Variants in ATP7B observed in about 807,000 individuals in gnomAD.
ATP7B encodes ATPase copper transporting beta, also known as copper-transporting ATPase 2.
A neutral mutation model predicts 118.9 loss-of-function variants in ATP7B; 113 were observed. The ratio of observed to expected loss-of-function variants is 0.95; its 90% CI spans 0.82 to 1.11. The LOEUF (loss-of-function observed/expected upper bound fraction) is 1.11. Among genes scored for constraint, ATP7B ranks in the 50% most tolerant of loss-of-function variants. The pLI is 0.00. For synonymous variants in ATP7B, 777 were observed against 727.4 expected (o/e 1.07, Z -1.10); for missense variants, 1,867 against 1,871.4 (o/e 1.00, Z 0.04).
chr13:51,944,007 C>T, intron 14 of ATP7B, 102 bp downstream of exon 14: 1 of 1,490,012 alleles, frequency 6.7e-7, no homozygotes, highest in Non-Finnish European at 9.2e-7. Context: ...GTTTTCCAGA[C>T]CACACAGAGA....
In ATP7B at chr13:51,934,657, A is replaced by G; in HGVS notation, c.*99T>C. 1 of 1,566,398 alleles carries G rather than the reference A, an allele frequency of 6.4e-7. No individual in the cohort carries two copies. Among genetic ancestry groups the G allele is most frequent in the South Asian group, 1.1e-5 (1 of 88,840 alleles). On this transcript the variant is annotated 3_prime_UTR_variant, in exon 21 of 21. Coordinates refer to ENST00000242839, the MANE Select transcript of ATP7B (RefSeq NM_000053.4). ...CATATCCAGGGAGCGGAAGTCCCCA[A>G]AGCTGGAGGCTAGCTCAGCCCATCC... is the stretch of plus-strand genomic sequence containing the variant.
At chr13:51,981,881 T>C (rs1952439498) in intron 1 of ATP7B, among the ~76,000 whole-genome samples, 1 of 152,204 alleles carries the variant, frequency 6.6e-6, no homozygotes, top group Non-Finnish European at 1.5e-5. Context: ...TTTTCCCGTT[T>C]GTCTAAGGCA....
chr13:52,008,251 A>T (rs186328067), intron 1 of ATP7B, among the ~76,000 whole-genome samples: 143 of 152,316 alleles, frequency 9.4e-4, no homozygotes, highest in African/African-American at 2.9e-3. Flanking sequence ...GAGGCCGGAG[A>T]ATCACTTGAG....
intron 2 of ATP7B, among the ~76,000 whole-genome samples, chr13:51,972,474 A>G (rs562598257): frequency 5.1e-4 from 78 of 152,152 alleles, no homozygotes; most frequent in African/African-American, 1.9e-3. Flanking sequence ...ACTGTCCTCC[A>G]GCATCTCAGC....
intron 9 of ATP7B, among the ~76,000 whole-genome samples, chr13:51,955,703 A>C (rs1593715776): frequency 6.6e-6 from 1 of 151,976 alleles, no homozygotes; most frequent in African/African-American, 2.4e-5. Flanking sequence ...ATGAGTCAAA[A>C]CCAACACAGC....
At chr13:51,990,856 G>A (rs1180698889) in intron 1 of ATP7B, among the ~76,000 whole-genome samples, 2 of 152,250 alleles carry the variant, frequency 1.3e-5, no homozygotes, top group East Asian at 1.9e-4. Context: ...TCGGGAGGCC[G>A]AGGCAGGTGG....
intron 1 of ATP7B, among the ~76,000 whole-genome samples, chr13:51,981,545 C>T (rs1379302629): frequency 1.3e-5 from 2 of 152,198 alleles, no homozygotes; most frequent in Non-Finnish European, 2.9e-5. Context: ...TAAGAATTCT[C>T]TGGATGCCAC....
Position 51,960,281 on chromosome 13 carries a change from G to A in ATP7B, c.1988C>T (p.Pro663Leu). 1 of 1,613,870 alleles carries A rather than the reference G, an allele frequency of 6.2e-7. No homozygotes were observed. Among genetic ancestry groups the A allele is most frequent in the Non-Finnish European group, 8.5e-7 (1 of 1,179,844 alleles). The change falls in exon 7 of 21, where the codon CCT (proline) becomes CTT (leucine). Residue 663 changes from proline (P) to leucine (L), a missense_variant. Pro to Leu is a moderately conservative substitution (Grantham distance 98). Transcript: ENST00000242839. The part of the protein sequence containing the change: ...SFLCSLVFGI[P>L]VMALMIYMLI... ...CATATAGATCATTAAGGCCATGACA[G>A]GGATGCCAAACACCAGGCTGCACAG...
intron 1 of ATP7B, among the ~76,000 whole-genome samples, chr13:51,982,344 A>ATTATC (rs1952463176): frequency 6.6e-6 from 1 of 152,184 alleles, no homozygotes; most frequent in Admixed American, 6.5e-5. Flanking sequence ...GAATTCCAGC[A>ATTATC]TTATCTGAGC....
Position 51,974,854 on chromosome 13 carries a change from C to A in ATP7B, c.366G>T (p.Glu122Asp), listed in dbSNP as rs201778204. 42 of 1,614,112 alleles carry A rather than the reference C, an allele frequency of 2.6e-5. No homozygotes were observed. Among genetic ancestry groups the A allele is most frequent in the Non-Finnish European group, 3.4e-5 (40 of 1,180,044 alleles). Reference sequence around the variant, plus strand: ...CTGCCTTTCCTTCTGCAATGCTGGCCTCGAAGCCCATGTCCCCAATTTGAT... The same window carrying A: ...CTGCCTTTCCTTCTGCAATGCTGGCATCGAAGCCCATGTCCCCAATTTGAT... ...VCHQIGDMGF[E>D]ASIAEGKAAS... The change falls in exon 2 of 21, where the codon GAG (glutamate) becomes GAT (aspartate). Residue 122 changes from glutamate (E) to aspartate (D), a missense_variant. By Grantham distance (45) the Glu-to-Asp change is conservative. Transcript: ENST00000242839.
chr13:52,004,713 C>T (rs1229822308), intron 1 of ATP7B, among the ~76,000 whole-genome samples: 1 of 152,138 alleles, frequency 6.6e-6, no homozygotes, highest in Non-Finnish European at 1.5e-5. Flanking sequence ...AAAGTCTTTC[C>T]CTCATTCCCC....
Position 51,934,181 on chromosome 13 carries a change from A to G in ATP7B, c.*575T>C. On this transcript the variant is annotated 3_prime_UTR_variant, in exon 21 of 21. Transcript: ENST00000242839. ...GACATTGGTCCCACCCTCCCAGGTG[A>G]CAGGCAGGGTTGCGAGGGGTCCCCA... The G allele has an allele frequency of 5.5e-6, 1 of 181,616 alleles. No homozygotes were observed. The highest frequency in any genetic ancestry group is 1.2e-5 in the Non-Finnish European group (1 of 84,754). The allele number at this position is 181,616 out of a possible 1,614,324, so 11.3% of individuals were successfully genotyped here.
At chr13:52,001,359 A>G (rs1203373226) in intron 1 of ATP7B, among the ~76,000 whole-genome samples, 1 of 152,160 alleles carries the variant, frequency 6.6e-6, no homozygotes, top group East Asian at 1.9e-4. Flanking sequence ...AAAACCTAAA[A>G]TCCTTACAAT....
In ATP7B at chr13:52,011,329, C is replaced by G; in HGVS notation, c.9G>C (p.Glu3Asp). The G allele has an allele frequency of 6.2e-7, 1 of 1,614,250 alleles. No homozygotes were observed. The change falls in exon 1 of 21, where the codon GAG (glutamate) becomes GAC (aspartate). Residue 3 changes from glutamate to aspartate, a missense_variant. Glu to Asp is a conservative substitution (Grantham distance 45). Coordinates refer to ENST00000242839, the MANE Select transcript of ATP7B (RefSeq NM_000053.4). ...CTCTGGCTGTGATCTGTCTCTCCTGCTCAGGCATCGTCCCGCACGGACACC... is the reference window on the plus strand; with the variant it reads ...CTCTGGCTGTGATCTGTCTCTCCTGGTCAGGCATCGTCCCGCACGGACACC... MP[E>D]QERQITAREG...
Position 51,960,300 on chromosome 13 carries a change from T to C in ATP7B, c.1969A>G (p.Ser657Gly), listed in dbSNP as rs372436901. The stretch of plus-strand genomic sequence containing the variant: ...ATGACAGGGATGCCAAACACCAGGC[T>C]GCACAGGAAAGACTTCTTCCACCTG... ...IKQWKKSFLC[S>G]LVFGIPVMAL... Residue 657 changes from serine (S) to glycine (G), a missense_variant, in exon 7 of 21, where the codon AGC (serine) becomes GGC (glycine). Physicochemically the swap from Ser to Gly is moderately conservative, Grantham distance 56. Coordinates refer to ENST00000242839, the MANE Select transcript of ATP7B (RefSeq NM_000053.4). 7.4e-6 allele frequency: 12 copies of C among 1,613,686 alleles called. No individual in the cohort carries two copies. The South Asian group carries it at 8.8e-5, about 12-fold the overall frequency.
intron 8 of ATP7B, 198 bp downstream of exon 8, chr13:51,958,113 C>A (rs149692491): frequency 1.6e-6 from 1 of 638,308 alleles, no homozygotes; most frequent in East Asian, 2.8e-5. Flanking sequence ...AATAATTAAC[C>A]AGATTAGCTG....
intron 8 of ATP7B, 160 bp from the exon 9 acceptor site, chr13:51,957,767 C>G (rs1958451639): frequency 1.6e-5 from 11 of 674,842 alleles, no homozygotes; most frequent in South Asian, 1.6e-4. Flanking sequence ...TGCTATCCAC[C>G]ACACATGGCC....
chr13:51,947,233 C>T (rs974204323), intron 12 of ATP7B, among the ~76,000 whole-genome samples: 3 of 152,132 alleles, frequency 2.0e-5, no homozygotes, highest in Admixed American at 6.5e-5. Flanking sequence ...CAAAAATCTC[C>T]GCCTGTATCT....
chr13:51,959,315 AG>A (rs1410307863), intron 7 of ATP7B: 1 of 152,674 alleles, frequency 6.5e-6, no homozygotes, highest in African/African-American at 2.4e-5. Flanking sequence ...GGACTGTTGA[AG>A]GCCAGGAGTT....
Sources: gnomAD v4.1 joint callset for allele counts (sites outside exome capture counted in the v4.1 genomes callset) on GRCh38, gnomAD v4.1.1 for gene constraint, MANE v1.5 for transcripts, NCBI Gene and HGNC (gene_info 2026-07-23, HGNC 2026-07-21) for gene names.